RHPN2: variants seen among roughly 807,000 people sequenced by gnomAD.
RHPN2 encodes rhophilin-2.
In RHPN2, 40 loss-of-function variants were observed where a neutral mutation model predicts 79.0. The observed-to-expected ratio is 0.51, with a 90% CI of 0.39 to 0.66. RHPN2 has a LOEUF of 0.66. Ranked by LOEUF, RHPN2 falls within the 30% of genes least tolerant of loss-of-function variation. The pLI, the probability that RHPN2 is intolerant of heterozygous loss-of-function variation, is 0.00. For synonymous variants in RHPN2, 285 were observed against 363.5 expected (o/e 0.78, Z 2.46); for missense variants, 686 against 883.5 (o/e 0.78, Z 2.83).
At chr19:32,987,367 T>C (rs1971619907) in intron 14 of RHPN2, among the ~76,000 whole-genome samples, 1 of 152,186 alleles carries the variant, frequency 6.6e-6, no homozygotes, top group Non-Finnish European at 1.5e-5. Context: ...GCATTTTATA[T>C]CCATGGACTC....
intron 14 of RHPN2, among the ~76,000 whole-genome samples, chr19:32,983,004 G>C (rs574274355): frequency 1.4e-5 from 2 of 147,122 alleles, no homozygotes; most frequent in Admixed American, 6.9e-5. Context: ...CCTTCTGTGT[G>C]CCTGGATCCC....
At chr19:32,998,958 G>A (rs1971726410) in intron 10 of RHPN2, among the ~76,000 whole-genome samples, 1 of 120,898 alleles carries the variant, frequency 8.3e-6, no homozygotes, top group African/African-American at 3.2e-5. Flanking sequence ...GAGAACAGGA[G>A]AGGAGGGGAA....
chr19:33,059,740 T>C (rs1972264423), intron 1 of RHPN2, among the ~76,000 whole-genome samples: 1 of 152,124 alleles, frequency 6.6e-6, no homozygotes, highest in African/African-American at 2.4e-5. Flanking sequence ...TTGTCCCCAA[T>C]TCTCCAACCA....
At chr19:33,057,119 CAAAA>C (rs35713211) in intron 1 of RHPN2, among the ~76,000 whole-genome samples, 2 of 95,928 alleles carry the variant, frequency 2.1e-5, no homozygotes, top group African/African-American at 3.7e-5. Flanking sequence ...GACTCTGTCT[CAAAA>C]AAAAAAAAAA....
rs768157880 is a variant in RHPN2, at chr19:33,012,638, A to G, written c.468+9T>C. The G allele has an allele frequency of 7.6e-6, 12 of 1,583,186 alleles. No individual in the cohort carries two copies. In the South Asian group the frequency reaches 1.3e-4, roughly 18 times the overall value. ...CACCCTCCCCTCTCTGCTGCACACA[A>G]AAACTTACTTGTCTCAGATCCATAA... is the stretch of plus-strand genomic sequence containing the variant. On this transcript the variant is annotated intron_variant, in intron 5 of 14. Coordinates refer to ENST00000254260, the MANE Select transcript of RHPN2 (RefSeq NM_033103.5).
At chr19:32,986,811 A>T (rs1027134366) in intron 14 of RHPN2, among the ~76,000 whole-genome samples, 49 of 113,470 alleles carry the variant, frequency 4.3e-4, no homozygotes, top group East Asian at 3.2e-3. Flanking sequence ...AAAAAAAAAA[A>T]TTTTGAGATA....
intron 2 of RHPN2, among the ~76,000 whole-genome samples, chr19:33,034,552 A>T (rs1481923435): frequency 6.8e-6 from 1 of 147,886 alleles, no homozygotes; most frequent in African/African-American, 2.5e-5. Flanking sequence ...CTTACAGTGA[A>T]CAGAGATCCT....
At chr19:33,047,705 G>A (rs1012396126) in intron 1 of RHPN2, among the ~76,000 whole-genome samples, 12 of 152,016 alleles carry the variant, frequency 7.9e-5, no homozygotes, top group Admixed American at 5.2e-4. Flanking sequence ...TATCTATAGC[G>A]GAAACCTCCT....
At chr19:33,045,479 G>C (rs1442113558) in intron 1 of RHPN2, among the ~76,000 whole-genome samples, 7 of 150,570 alleles carry the variant, frequency 4.6e-5, no homozygotes, top group Admixed American at 1.3e-4. Context: ...AGTGCTATCT[G>C]ATTTTTTTTT....
At chr19:33,023,846 G>A (rs545269240) in intron 3 of RHPN2, among the ~76,000 whole-genome samples, 5 of 151,792 alleles carry the variant, frequency 3.3e-5, no homozygotes, top group East Asian at 1.9e-4. Flanking sequence ...GCATGGTGCC[G>A]TGTTGAATCT....
chr19:32,993,862 G>A (rs1971679618), intron 12 of RHPN2, 115 bp downstream of exon 12: 2 of 796,060 alleles, frequency 2.5e-6, no homozygotes, highest in African/African-American at 3.4e-5. Flanking sequence ...GCTGTCATAA[G>A]CCCCCCAGTT....
intron 1 of RHPN2, among the ~76,000 whole-genome samples, chr19:33,046,307 C>A (rs929663874): frequency 1.3e-5 from 2 of 152,090 alleles, no homozygotes; most frequent in Non-Finnish European, 2.9e-5. Flanking sequence ...GTTCTGTCGT[C>A]CAGGCTTGAG....
intron 1 of RHPN2, among the ~76,000 whole-genome samples, chr19:33,048,984 A>G (rs559563443): frequency 2.0e-5 from 3 of 151,958 alleles, no homozygotes; most frequent in East Asian, 3.9e-4. Context: ...CTGTTCGTAT[A>G]CTTTCCCCAA....
At chr19:33,030,507 C>T (rs1400071952) in intron 2 of RHPN2, among the ~76,000 whole-genome samples, 2 of 152,060 alleles carry the variant, frequency 1.3e-5, no homozygotes, top group African/African-American at 4.8e-5. Context: ...GTATGAGAAT[C>T]GCTTGAACCC....
intron 14 of RHPN2, among the ~76,000 whole-genome samples, chr19:32,981,463 GGAAGGAAAGGGAAGAGGA>G (rs1971574211): frequency 7.0e-6 from 1 of 142,002 alleles, no homozygotes; most frequent in Admixed American, 7.1e-5. Flanking sequence ...AGGGAAGAGG[GGAAGGAAAGGGAAGAGGA>G]GAAGGGAATG....
At chr19:32,986,268 G>T (rs187035886) in intron 14 of RHPN2, among the ~76,000 whole-genome samples, 3 of 152,298 alleles carry the variant, frequency 2.0e-5, no homozygotes, top group East Asian at 3.9e-4. Flanking sequence ...CCTCTCACAG[G>T]GGGCAGGGCA....
chr19:33,054,040 T>A (rs1364923024), intron 1 of RHPN2, among the ~76,000 whole-genome samples: 1 of 151,176 alleles, frequency 6.6e-6, no homozygotes, highest in Non-Finnish European at 1.5e-5. Context: ...TATTGTATTT[T>A]TTGTAGAGAC....
At chr19:33,032,083 C>T (rs1338205094) in intron 2 of RHPN2, among the ~76,000 whole-genome samples, 3 of 126,826 alleles carry the variant, frequency 2.4e-5, no homozygotes, top group South Asian at 2.7e-4. Context: ...TGCAGTGGTG[C>T]GATCTCAGCT....
intron 4 of RHPN2, among the ~76,000 whole-genome samples, chr19:33,021,266 G>A (rs1033630334): frequency 1.3e-5 from 2 of 152,198 alleles, no homozygotes; most frequent in Non-Finnish European, 2.9e-5. Flanking sequence ...AGCTGGCTGA[G>A]AAGGGCCTCA....
Sources: gnomAD v4.1 joint callset for allele counts (sites outside exome capture counted in the v4.1 genomes callset) on GRCh38, gnomAD v4.1.1 for gene constraint, MANE v1.5 for transcripts, NCBI Gene and HGNC (gene_info 2026-07-23, HGNC 2026-07-21) for gene names.